ZBED6: variants seen among roughly 807,000 people sequenced by gnomAD.
ZBED6 encodes the protein zinc finger BED-type containing 6.
ZBED6 carries 40 observed loss-of-function variants against 58.4 expected under a neutral mutation model. The observed-to-expected ratio is 0.68, with a 90% CI of 0.53 to 0.89. ZBED6 has a LOEUF of 0.89. Among genes scored for constraint, ZBED6 ranks in the 40% least tolerant of loss-of-function variants. The pLI, the probability that ZBED6 is intolerant of heterozygous loss-of-function variation, is 0.00. For synonymous variants in ZBED6, 439 were observed against 350.6 expected (o/e 1.25, Z -2.82); for missense variants, 1,057 against 1,003.9 (o/e 1.05, Z -0.71).
chr1:203,834,966 T>G (rs866700977), intron 9 of ZBED6, among the ~76,000 whole-genome samples: 2 of 152,242 alleles, frequency 1.3e-5, no homozygotes, highest in Non-Finnish European at 2.9e-5. Context: ...TTTGAAAATT[T>G]TTTCTGACTT....
exon 17 of ZBED6, chr1:203,853,644 A>C (rs1310541817): frequency 6.6e-6 from 1 of 152,650 alleles, no homozygotes; most frequent in Non-Finnish European, 1.5e-5. Flanking sequence ...AATCTGACCC[A>C]CCTGTCATGT....
intron 12 of ZBED6, among the ~76,000 whole-genome samples, chr1:203,848,040 G>A (rs1688353645): frequency 6.6e-6 from 1 of 152,078 alleles, no homozygotes; most frequent in African/African-American, 2.4e-5. Flanking sequence ...ATTTTTAATA[G>A]AGATGGGGTT....
chr1:203,834,031 A>G (rs1409163392), intron 9 of ZBED6, 178 bp downstream of exon 9: 1 of 1,268,810 alleles, frequency 7.9e-7, no homozygotes, highest in Non-Finnish European at 9.9e-7. Flanking sequence ...AGATACAGAG[A>G]TTTAAAGTGT....
chr1:203,826,097 C>T (rs1215537880), intron 3 of ZBED6, among the ~76,000 whole-genome samples: 1 of 152,086 alleles, frequency 6.6e-6, no homozygotes, highest in Non-Finnish European at 1.5e-5. Context: ...TAGGTTCTGC[C>T]TTGAGAAAGG....
At chr1:203,804,333 T>C (rs1284289809) in intron 1 of ZBED6, among the ~76,000 whole-genome samples, 1 of 152,026 alleles carries the variant, frequency 6.6e-6, no homozygotes, top group Non-Finnish European at 1.5e-5. Context: ...TTTGTATTTT[T>C]AGTAGAGACG....
At chr1:203,850,442 T>C in intron 14 of ZBED6, 73 bp from the exon 15 acceptor site, 1 of 1,579,570 alleles carries the variant, frequency 6.3e-7, no homozygotes, top group Non-Finnish European at 8.7e-7. Flanking sequence ...AGTTTTGATA[T>C]TTTATTCTGA....
chr1:203,847,149 A>G, intron 11 of ZBED6, 35 bp from the exon 12 acceptor site: 1 of 1,606,214 alleles, frequency 6.2e-7, no homozygotes, highest in African/African-American at 1.3e-5. Context: ...GATGAACTTC[A>G]AGTATAATGA....
chr1:203,797,688 G>A (rs768023198), exon 1 of ZBED6: 2 of 1,535,544 alleles, frequency 1.3e-6, no homozygotes, highest in East Asian at 2.4e-5. Context: ...GAATAAAGAG[G>A]CAAAACAGCC....
chr1:203,798,089 G>C (rs550393612), exon 1 of ZBED6: 1 of 1,536,148 alleles, frequency 6.5e-7, no homozygotes, highest in Admixed American at 2.0e-5. Flanking sequence ...GGGCCAACAA[G>C]TTTGGAGTTG....
chr1:203,831,138 T>G (rs1240327127), intron 7 of ZBED6, among the ~76,000 whole-genome samples: 1 of 151,808 alleles, frequency 6.6e-6, no homozygotes, highest in Non-Finnish European at 1.5e-5. Context: ...AAGACAGGGT[T>G]TCTCCATGTT....
chr1:203,798,724 G>A (rs1177103821), exon 1 of ZBED6: 2 of 1,535,968 alleles, frequency 1.3e-6, no homozygotes, highest in African/African-American at 2.7e-5. Flanking sequence ...GAAACAACAT[G>A]TTGTGGAAAT....
At chr1:203,848,438 C>A in intron 13 of ZBED6, 31 bp downstream of exon 13, 2 of 1,548,916 alleles carry the variant, frequency 1.3e-6, no homozygotes, top group Non-Finnish European at 1.8e-6. Flanking sequence ...TGGTTTTGTT[C>A]ATGGCAAACA....
intron 1 of ZBED6, among the ~76,000 whole-genome samples, chr1:203,814,101 G>A (rs1379019629): frequency 1.3e-5 from 2 of 152,040 alleles, no homozygotes; most frequent in Non-Finnish European, 2.9e-5. Context: ...TAAGCAGCAG[G>A]AAAAGCCCAG....
At chr1:203,824,546 A>G (rs1409495546) in intron 3 of ZBED6, among the ~76,000 whole-genome samples, 2 of 152,192 alleles carry the variant, frequency 1.3e-5, no homozygotes, top group Non-Finnish European at 2.9e-5. Context: ...CAGAGCAGCA[A>G]AAAATTTGAG....
chr1:203,809,476 C>G (rs1673598702), intron 1 of ZBED6, among the ~76,000 whole-genome samples: 2 of 151,990 alleles, frequency 1.3e-5, no homozygotes, highest in South Asian at 4.1e-4. Flanking sequence ...GCACCCAGCC[C>G]CACTCTTTTT....
chr1:203,833,618 G>GTTTT (rs553171669), intron 8 of ZBED6, among the ~76,000 whole-genome samples, 173 bp from the exon 9 acceptor site: 110 of 124,814 alleles, frequency 8.8e-4, no homozygotes, highest in African/African-American at 3.0e-3. Context: ...ATAGGTTTGG[G>GTTTT]TTTTTTTTTT....
exon 1 of ZBED6, chr1:203,796,024 C>T: frequency 7.5e-6 from 1 of 132,838 alleles, no homozygotes; most frequent in African/African-American, 2.8e-5. Flanking sequence ...TTCCCATCCT[C>T]CCCACCCCCA....
chr1:203,824,931 G>T (rs1679993887), intron 3 of ZBED6, among the ~76,000 whole-genome samples: 1 of 152,008 alleles, frequency 6.6e-6, no homozygotes, highest in African/African-American at 2.4e-5. Flanking sequence ...AAAAAAATTA[G>T]CCGGGCATGG....
chr1:203,827,826 T>A (rs998157196), intron 3 of ZBED6, among the ~76,000 whole-genome samples: 1 of 152,170 alleles, frequency 6.6e-6, no homozygotes, highest in East Asian at 1.9e-4. Flanking sequence ...AACTGCAGTT[T>A]ATTGAGTTTG....
Sources: allele counts gnomAD v4.1 joint callset (sites outside exome capture counted in the v4.1 genomes callset), GRCh38; gene constraint gnomAD v4.1.1; transcripts MANE v1.5; gene names NCBI Gene and HGNC (gene_info 2026-07-23, HGNC 2026-07-21).